LRRC7: variants seen among roughly 807,000 people sequenced by gnomAD.
The protein encoded by LRRC7 is leucine rich repeat containing 7, also known as leucine-rich repeat-containing protein 7.
Under a neutral mutation model 175.7 loss-of-function variants are expected in LRRC7, and 23 were observed. That is an observed-to-expected ratio of 0.13 (90% CI 0.09 to 0.19). The LOEUF (loss-of-function observed/expected upper bound fraction) is 0.19. Among genes scored for constraint, LRRC7 ranks in the 10% least tolerant of loss-of-function variants. The pLI is 1.00. For missense variants in LRRC7, 1,354 were observed against 1,904.7 expected (o/e 0.71, Z 5.38); for synonymous variants, 685 against 680.9 (o/e 1.01, Z -0.09).
intron 8 of LRRC7, among the ~76,000 whole-genome samples, chr1:69,948,339 C>T (rs114562617): frequency 1.2e-4 from 18 of 152,254 alleles, no homozygotes; most frequent in Admixed American, 2.0e-4. Flanking sequence ...TCACTGTTTA[C>T]TGTCCTTTTG....
chr1:70,020,851 T>G, intron 15 of LRRC7, 154 bp from the exon 16 acceptor site: 1 of 516,140 alleles, frequency 1.9e-6, no homozygotes, highest in Non-Finnish European at 3.1e-6. Context: ...TTTTATTCTT[T>G]TCTCTTTCCT....
intron 7 of LRRC7, 125 bp from the exon 8 acceptor site, chr1:69,931,382 G>A (rs1482398015): frequency 2.9e-6 from 2 of 683,640 alleles, no homozygotes; most frequent in Admixed American, 2.3e-5. Context: ...ACTTGTTGCT[G>A]AAGAGTACCC....
intron 3 of LRRC7, among the ~76,000 whole-genome samples, chr1:69,762,083 T>C (rs1470065731): frequency 6.6e-6 from 1 of 151,982 alleles, no homozygotes; most frequent in Non-Finnish European, 1.5e-5. Flanking sequence ...ACATTTACAC[T>C]AAAAAAATTT....
chr1:69,954,206 T>G (rs1650257591), intron 8 of LRRC7, among the ~76,000 whole-genome samples: 1 of 151,930 alleles, frequency 6.6e-6, no homozygotes, highest in African/African-American at 2.4e-5. Context: ...GAGAGCATCC[T>G]GGTCAGGAGA....
intron 8 of LRRC7, among the ~76,000 whole-genome samples, chr1:69,973,323 A>C (rs1374210570): frequency 1.3e-5 from 2 of 151,894 alleles, no homozygotes; most frequent in Admixed American, 6.6e-5. Flanking sequence ...AAAGACCACA[A>C]ATTGGGTGCA....
intron 8 of LRRC7, among the ~76,000 whole-genome samples, chr1:69,978,237 C>T (rs188363145): frequency 2.6e-5 from 4 of 151,204 alleles, no homozygotes; most frequent in East Asian, 2.0e-4. Flanking sequence ...GAGCTGAGAT[C>T]GCACCACTGC....
intron 7 of LRRC7, among the ~76,000 whole-genome samples, chr1:69,915,119 G>T (rs1281827914): frequency 1.3e-5 from 2 of 152,134 alleles, no homozygotes; most frequent in Admixed American, 1.3e-4. Context: ...TAAAAAGGGA[G>T]TGTCTCCCTT....
intron 3 of LRRC7, among the ~76,000 whole-genome samples, chr1:69,778,254 G>A (rs904667976): frequency 3.3e-5 from 5 of 152,088 alleles, no homozygotes; most frequent in African/African-American, 1.2e-4. Context: ...CAAACCTGTG[G>A]CAATTATTCA....
At chr1:69,752,804 T>A (rs780137757) in intron 2 of LRRC7, among the ~76,000 whole-genome samples, 4 of 152,160 alleles carry the variant, frequency 2.6e-5, no homozygotes, top group Non-Finnish European at 4.4e-5. Flanking sequence ...TGCAGCATTG[T>A]GGAGAAACCA....
rs1296614769 is a variant in LRRC7, at chr1:70,125,531, G to A, written c.*3644G>A. 1.3e-5 allele frequency among the ~76,000 whole-genome samples: 2 copies of A among 152,186 alleles called. No homozygotes were observed. The highest frequency in any genetic ancestry group is 6.5e-5 in the Admixed American group (1 of 15,288). On this transcript the variant is annotated 3_prime_UTR_variant, in exon 27 of 27. Transcript: ENST00000651989. ...GAGAGGGCCGGGCGCGGTGGCTCAC[G>A]CCTGTAATCCCAGCACTTTGGGAGG...
intron 22 of LRRC7, among the ~76,000 whole-genome samples, chr1:70,049,426 T>C (rs1660583076): frequency 6.6e-6 from 1 of 152,154 alleles, no homozygotes; most frequent in African/African-American, 2.4e-5. Flanking sequence ...GCAGTTTTTT[T>C]CTGCTGAAAG....
chr1:69,832,990 A>G (rs559429475), intron 5 of LRRC7, among the ~76,000 whole-genome samples: 47 of 152,172 alleles, frequency 3.1e-4, no homozygotes, highest in Admixed American at 1.3e-3. Context: ...CTGTGATCCC[A>G]TCTACTCAGG....
chr1:69,651,530 A>C (rs943254012), intron 1 of LRRC7, among the ~76,000 whole-genome samples: 2 of 152,238 alleles, frequency 1.3e-5, no homozygotes, highest in African/African-American at 4.8e-5. Flanking sequence ...TACTGACATC[A>C]GTAAAATGAC....
Position 69,715,126 on chromosome 1 carries a change from G to A in LRRC7, c.100+36648G>A, listed in dbSNP as rs375056080. On this transcript the variant is annotated intron_variant, in intron 2 of 26. Coordinates refer to ENST00000651989, the MANE Select transcript of LRRC7 (RefSeq NM_001370785.2). ...TGTTTAAGTAGATCTTGAAGTTTGC[G>A]GCCTTTTGATTTCCTTTTTTAAATT... Among the ~76,000 whole-genome samples, 27 of 152,142 alleles carry A rather than the reference G, an allele frequency of 1.8e-4. No homozygotes were observed. In the South Asian group the frequency reaches 3.9e-3, roughly 22 times the overall value.
chr1:69,709,387 A>G (rs1664460486), intron 2 of LRRC7, among the ~76,000 whole-genome samples: 1 of 152,190 alleles, frequency 6.6e-6, no homozygotes, highest in South Asian at 2.1e-4. Context: ...CCAAACTTTC[A>G]GTCACATGGC....
At chr1:69,992,569 C>T (rs764566731) in intron 10 of LRRC7, among the ~76,000 whole-genome samples, 18 of 152,168 alleles carry the variant, frequency 1.2e-4, no homozygotes, top group Non-Finnish European at 2.2e-4. Context: ...CAGGGGCAAT[C>T]ATAATTCTAC....
chr1:70,085,505 G>T (rs1663537031), intron 24 of LRRC7, among the ~76,000 whole-genome samples: 1 of 152,098 alleles, frequency 6.6e-6, no homozygotes, highest in Non-Finnish European at 1.5e-5. Flanking sequence ...CTTGACGTAT[G>T]CCCTAAATCC....
chr1:69,688,748 G>A (rs1008229778), intron 2 of LRRC7, among the ~76,000 whole-genome samples: 2 of 151,744 alleles, frequency 1.3e-5, no homozygotes, highest in East Asian at 3.9e-4. Context: ...TGTACACCAG[G>A]AGAATGCTAT....
At chr1:69,831,879 T>G (rs1483673889) in intron 5 of LRRC7, among the ~76,000 whole-genome samples, 1 of 152,144 alleles carries the variant, frequency 6.6e-6, no homozygotes. Context: ...TAATGTTGTT[T>G]CCTTCAACAT....
Sources: allele counts gnomAD v4.1 joint callset (sites outside exome capture counted in the v4.1 genomes callset), GRCh38; gene constraint gnomAD v4.1.1; transcripts MANE v1.5; gene names NCBI Gene and HGNC (gene_info 2026-07-23, HGNC 2026-07-21).